The following PTBP2 variants were observed in gnomAD, a reference collection of about 807,000 sequenced individuals.
PTBP2 encodes the protein polypyrimidine tract-binding protein 2.
In PTBP2, 13 loss-of-function variants were observed where a neutral mutation model predicts 61.4. That is an observed-to-expected ratio of 0.21 (90% confidence interval 0.14 to 0.34). The LOEUF (loss-of-function observed/expected upper bound fraction) is 0.34. Among genes scored for constraint, PTBP2 ranks in the 10% least tolerant of loss-of-function variants. The pLI, the probability that PTBP2 is intolerant of heterozygous loss-of-function variation, is 1.00. For synonymous variants in PTBP2, 215 were observed against 218.5 expected (o/e 0.98, Z 0.14); for missense variants, 405 against 642.6 (o/e 0.63, Z 4.00).
Position 96,721,829 on chromosome 1 carries a change from T to A in PTBP2, c.-36T>A. 6.4e-7 allele frequency: 1 copy of A among 1,557,116 alleles called. No homozygotes were observed. Among genetic ancestry groups the A allele is most frequent in the Non-Finnish European group, 8.7e-7 (1 of 1,150,288 alleles). ...TTGTGTGGCTCGCTGGCTGCGTGGC[T>A]CGGTTCTTGTGAGCGAAGCTTTGTC... On this transcript the variant is annotated 5_prime_UTR_variant, in exon 1 of 14. Transcript: ENST00000674951.
intron 2 of PTBP2, among the ~76,000 whole-genome samples, chr1:96,724,549 G>A (rs1482899653): frequency 1.3e-5 from 2 of 152,174 alleles, no homozygotes; most frequent in East Asian, 3.9e-4. Flanking sequence ...ACAAGTGTGA[G>A]CCACCGTGCC....
At chr1:96,804,098 T>C (rs1055190153) in intron 8 of PTBP2, among the ~76,000 whole-genome samples, 4 of 152,124 alleles carry the variant, frequency 2.6e-5, no homozygotes, top group African/African-American at 9.7e-5. Flanking sequence ...AAGGAAATGA[T>C]AACATAGATT....
intron 2 of PTBP2, among the ~76,000 whole-genome samples, chr1:96,736,601 T>C (rs760391431): frequency 5.9e-5 from 9 of 152,204 alleles, no homozygotes; most frequent in Non-Finnish European, 1.2e-4. Context: ...TCCCAAGTTT[T>C]CATATTGGTT....
At chr1:96,744,879 T>C (rs1402445680) in intron 2 of PTBP2, among the ~76,000 whole-genome samples, 2 of 152,228 alleles carry the variant, frequency 1.3e-5, no homozygotes, top group Non-Finnish European at 2.9e-5. Flanking sequence ...CTTAAATGTC[T>C]TATTTAAACG....
At chr1:96,731,849 T>A (rs562545751) in intron 2 of PTBP2, among the ~76,000 whole-genome samples, 1 of 152,314 alleles carries the variant, frequency 6.6e-6, no homozygotes, top group East Asian at 1.9e-4. Context: ...GTGTCATTTC[T>A]GTACTCTTAA....
In PTBP2 at chr1:96,751,453, G is replaced by A. The variant is rs1188574600; in HGVS notation, c.68G>A (p.Ser23Asn). 1 of 1,612,880 alleles carries A rather than the reference G, an allele frequency of 6.2e-7. No individual in the cohort carries two copies. The highest frequency in any genetic ancestry group is 1.7e-5 in the Admixed American group (1 of 59,980). ...KRGSDELLSG[S>N]VLSSPNSNMS... ...GGATCTGACGAACTACTCTCAGGCAGTGTTCTCAGTAGTCCGAACTCTAAT... is the reference window on the plus strand; with the variant it reads ...GGATCTGACGAACTACTCTCAGGCAATGTTCTCAGTAGTCCGAACTCTAAT... Residue 23 changes from serine to asparagine, a missense_variant, in exon 3 of 14, where the codon AGT becomes AAT. Transcript: ENST00000674951.
intron 2 of PTBP2, among the ~76,000 whole-genome samples, chr1:96,741,365 A>G (rs1652994102): frequency 6.6e-6 from 1 of 152,084 alleles, no homozygotes; most frequent in African/African-American, 2.4e-5. Flanking sequence ...GGCTCTAGCA[A>G]TTCTCTCACC....
intron 7 of PTBP2, 57 bp from the exon 8 acceptor site, chr1:96,785,002 T>C: frequency 7.7e-7 from 1 of 1,298,678 alleles, no homozygotes; most frequent in Non-Finnish European, 1.1e-6. Flanking sequence ...AAATTATACT[T>C]TCACTAATTT....
chr1:96,740,483 G>A (rs1396037719), intron 2 of PTBP2, among the ~76,000 whole-genome samples: 1 of 152,082 alleles, frequency 6.6e-6, no homozygotes, highest in Non-Finnish European at 1.5e-5. Context: ...AACTCCTAAA[G>A]GCCCTGTTTC....
chr1:96,778,076 TAAG>T, intron 7 of PTBP2, 130 bp downstream of exon 7: 1 of 390,736 alleles, frequency 2.6e-6, no homozygotes, highest in Non-Finnish European at 4.6e-6. Flanking sequence ...GCATTAATAT[TAAG>T]AAACCTTAAT....
intron 10 of PTBP2, 138 bp from the exon 11 acceptor site, chr1:96,806,728 C>A (rs1661526834): frequency 2.8e-6 from 2 of 707,764 alleles, no homozygotes; most frequent in Admixed American, 3.0e-5. Context: ...CTTCTTTATT[C>A]ATTTGTGAGA....
In PTBP2 at chr1:96,813,615, C is replaced by A; in HGVS notation, c.*210C>A. The A allele has an allele frequency of 9.5e-6, 3 of 317,136 alleles. No individual in the cohort carries two copies. Among genetic ancestry groups the A allele is most frequent in the East Asian group, 4.8e-5 (1 of 20,740 alleles). 19.6% of individuals were successfully genotyped at this position (317,136 alleles called of 1,614,324 possible). On this transcript the variant is annotated 3_prime_UTR_variant, in exon 14 of 14. Transcript: ENST00000674951. ...TGTTAACTGCTATATTTCATCTGTTCTATAGGGAAGCCATTTTGTCTGTTT... is the reference window on the plus strand; with the variant it reads ...TGTTAACTGCTATATTTCATCTGTTATATAGGGAAGCCATTTTGTCTGTTT...
intron 3 of PTBP2, among the ~76,000 whole-genome samples, chr1:96,762,697 G>T (rs1656111775): frequency 6.6e-6 from 1 of 151,620 alleles, no homozygotes; most frequent in Admixed American, 6.5e-5. Context: ...CCTCCTGGAT[G>T]GGGCGGCTGG....
chr1:96,771,007 A>G, intron 5 of PTBP2, 156 bp downstream of exon 5: 1 of 592,352 alleles, frequency 1.7e-6, no homozygotes, highest in Non-Finnish European at 2.8e-6. Context: ...TCTAAGTATT[A>G]AATACTATGT....
chr1:96,811,886 C>T (rs1259316360), intron 11 of PTBP2, among the ~76,000 whole-genome samples: 1 of 152,102 alleles, frequency 6.6e-6, no homozygotes, highest in African/African-American at 2.4e-5. Context: ...GATCCAGCAG[C>T]TATGTCAAGA....
chr1:96,735,651 C>T (rs1652058679), intron 2 of PTBP2, among the ~76,000 whole-genome samples: 1 of 152,072 alleles, frequency 6.6e-6, no homozygotes, highest in Admixed American at 6.6e-5. Context: ...AAAATAGCCT[C>T]AGACAGCACT....
chr1:96,747,965 G>T (rs574881010), intron 2 of PTBP2, among the ~76,000 whole-genome samples: 1 of 151,010 alleles, frequency 6.6e-6, no homozygotes, highest in African/African-American at 2.4e-5. Context: ...TATTGGTTGC[G>T]TGAGTCAGGG....
intron 11 of PTBP2, among the ~76,000 whole-genome samples, chr1:96,809,039 CT>C (rs1399423925): frequency 1.3e-5 from 2 of 151,982 alleles, no homozygotes; most frequent in South Asian, 2.1e-4. Context: ...CCTTTATTAA[CT>C]TAAGACAGAA....
At chr1:96,754,939 T>G (rs756806094) in intron 3 of PTBP2, among the ~76,000 whole-genome samples, 5 of 152,180 alleles carry the variant, frequency 3.3e-5, no homozygotes, top group Admixed American at 6.5e-5. Context: ...GACTTTGGAT[T>G]AAGCAGGAAT....
Sources: allele counts gnomAD v4.1 joint callset (sites outside exome capture counted in the v4.1 genomes callset), GRCh38; gene constraint gnomAD v4.1.1; transcripts MANE v1.5; gene names NCBI Gene and HGNC (gene_info 2026-07-23, HGNC 2026-07-21).